The following AFF1 variants were observed in gnomAD, a reference collection of about 807,000 sequenced individuals.
AFF1 encodes ALF transcription elongation factor 1.
In AFF1, 48 loss-of-function variants were observed where a neutral mutation model predicts 121.7. The observed-to-expected ratio is 0.39, with a 90% CI of 0.31 to 0.50. The LOEUF is 0.50. AFF1 is among the 20% of genes least tolerant of loss of function. The pLI is 0.76. For missense variants in AFF1, 1,523 were observed against 1,511.7 expected (o/e 1.01, Z -0.12); for synonymous variants, 613 against 563.0 (o/e 1.09, Z -1.26).
intron 4 of AFF1, among the ~76,000 whole-genome samples, chr4:87,069,389 A>T (rs994829876): frequency 8.2e-6 from 1 of 121,972 alleles, no homozygotes; most frequent in Non-Finnish European, 1.6e-5. Flanking sequence ...TTCTGTCCCC[A>T]TCTCCTCTCT....
intron 2 of AFF1, chr4:86,949,952 G>C: frequency 6.2e-7 from 1 of 1,614,124 alleles, no homozygotes; most frequent in Non-Finnish European, 8.5e-7. Context: ...GTCCCGCAGG[G>C]CCATGTGGAT....
chr4:86,985,181 C>CTATATA lies in AFF1; in HGVS notation c.38+36639_38+36644dup, dbSNP rs55891819. On this transcript the variant is annotated intron_variant, in intron 2 of 20. Coordinates refer to ENST00000395146, the MANE Select transcript of AFF1 (RefSeq NM_001166693.3). ...AATATAATATATATAATATGTATTA[C>CTATATA]TATATATATATATATATATATATAT... is the stretch of plus-strand genomic sequence containing the variant. 9.5e-3 allele frequency among the ~76,000 whole-genome samples: 916 copies of CTATATA among 96,420 alleles called. 33 individuals carry two copies. Among genetic ancestry groups the CTATATA allele is most frequent in the African/African-American group, 0.032 (641 of 19,798 alleles). 63.3% of individuals were successfully genotyped at this position (96,420 alleles called of 152,430 possible).
At chr4:86,968,572 G>A (rs1160910691) in intron 2 of AFF1, among the ~76,000 whole-genome samples, 5 of 152,158 alleles carry the variant, frequency 3.3e-5, no homozygotes, top group Non-Finnish European at 7.3e-5. Context: ...CTTACATAGG[G>A]GTCTTACACT....
intron 16 of AFF1, among the ~76,000 whole-genome samples, chr4:87,129,829 A>C (rs1028154620): frequency 8.5e-5 from 13 of 152,284 alleles, no homozygotes; most frequent in Non-Finnish European, 1.3e-4. Flanking sequence ...TTGTCAGCTC[A>C]CTGGGAGAAG....
chr4:87,000,150 A>G (rs1245060361), intron 2 of AFF1, among the ~76,000 whole-genome samples: 1 of 152,232 alleles, frequency 6.6e-6, no homozygotes, highest in Admixed American at 6.5e-5. Flanking sequence ...TTGAATGAGT[A>G]AATAAATGGA....
intron 4 of AFF1, among the ~76,000 whole-genome samples, chr4:87,078,081 A>T (rs376792263): frequency 6.6e-6 from 1 of 152,206 alleles, no homozygotes; most frequent in Non-Finnish European, 1.5e-5. Flanking sequence ...CCTCCTACCA[A>T]TCATGGGATT....
At chr4:87,030,960 A>G (rs938484728) in intron 2 of AFF1, among the ~76,000 whole-genome samples, 9 of 152,084 alleles carry the variant, frequency 5.9e-5, no homozygotes, top group Admixed American at 5.2e-4. Context: ...AAACTCCCAC[A>G]TCCACACTCG....
At chr4:86,948,153 G>A (rs540696405) in intron 1 of AFF1, among the ~76,000 whole-genome samples, 1 of 151,972 alleles carries the variant, frequency 6.6e-6, no homozygotes, top group South Asian at 2.1e-4. Context: ...TTAATGAAAT[G>A]CCATTTTTAA....
rs138419384 is a variant in AFF1, at chr4:87,016,952, C to G, written c.39-29214C>G. Among the ~76,000 whole-genome samples, 90 of 152,112 alleles carry G rather than the reference C, an allele frequency of 5.9e-4. 1 individual carries two copies. Among genetic ancestry groups the G allele is most frequent in the Admixed American group, 8.5e-4 (13 of 15,274 alleles). On this transcript the variant is annotated intron_variant, in intron 2 of 20. Transcript: ENST00000395146. ...TGTACCATGTATCAGTGGTTCTATC[C>G]TTTTATTACTGAATAGTATTCTGTT...
chr4:87,133,750 G>A (rs780436183), intron 19 of AFF1, among the ~76,000 whole-genome samples: 3 of 152,186 alleles, frequency 2.0e-5, no homozygotes, highest in African/African-American at 7.2e-5. Context: ...TACTGCCGCT[G>A]AACCATCATC....
intron 10 of AFF1, among the ~76,000 whole-genome samples, chr4:87,106,505 A>G (rs191457978): frequency 9.4e-4 from 143 of 152,356 alleles, no homozygotes; most frequent in Non-Finnish European, 1.7e-3. Context: ...GCTGTTTTCA[A>G]TAAAGCTCAG....
chr4:87,092,263 A>T (rs989210329), intron 7 of AFF1, among the ~76,000 whole-genome samples: 10 of 152,210 alleles, frequency 6.6e-5, no homozygotes, highest in African/African-American at 2.4e-4. Flanking sequence ...AGCCTGGGAG[A>T]CAGCACAGAT....
At chr4:87,040,631 A>T (rs544746747) in intron 2 of AFF1, among the ~76,000 whole-genome samples, 1 of 151,402 alleles carries the variant, frequency 6.6e-6, no homozygotes, top group Non-Finnish European at 1.5e-5. Context: ...CAGTGGCGCA[A>T]TCTCGGCTCA....
At chr4:87,103,350 T>C (rs1196773331) in intron 8 of AFF1, among the ~76,000 whole-genome samples, 1 of 152,274 alleles carries the variant, frequency 6.6e-6, no homozygotes, top group African/African-American at 2.4e-5. Context: ...ATGTGAGATA[T>C]GTTTATTCTT....
intron 2 of AFF1, among the ~76,000 whole-genome samples, chr4:87,027,409 G>A (rs1728628776): frequency 1.3e-5 from 2 of 152,166 alleles, no homozygotes; most frequent in Admixed American, 1.3e-4. Flanking sequence ...ACAAGTTTAG[G>A]ACCACTCTTG....
At position 87,046,245 on chromosome 4, in the gene AFF1, G is replaced by T. The variant is rs1423874866; in HGVS notation, c.118G>T (p.Ala40Ser). 3 of 1,613,670 alleles carry T rather than the reference G, an allele frequency of 1.9e-6. No individual in the cohort carries two copies. In the African/African-American group the frequency reaches 4.0e-5, roughly 22 times the overall value. The change falls in exon 3 of 21, where the codon GCA (alanine) becomes TCA (serine). Residue 40 changes from alanine (A) to serine (S), a missense_variant. Transcript: ENST00000395146. ...CCAGGAAGCCCACCAAGAGAAAGAG[G>T]CATTTCCTGAAAAGATTCCCCTTTT... ...RNQEAHQEKE[A>S]FPEKIPLFGE...
At chr4:87,095,115 A>AT (rs1346808281) in intron 8 of AFF1, 146 bp downstream of exon 8, 27 of 796,750 alleles carry the variant, frequency 3.4e-5, no homozygotes, top group Non-Finnish European at 4.4e-5. Context: ...GCCCACATTA[A>AT]TTTTTTTTGC....
At chr4:87,096,743 C>CT (rs1270287643) in intron 8 of AFF1, among the ~76,000 whole-genome samples, 1 of 151,826 alleles carries the variant, frequency 6.6e-6, no homozygotes. Context: ...TTCACCTTTT[C>CT]TTTTTTTCCT....
chr4:87,068,119 C>T (rs1721563994), intron 4 of AFF1, among the ~76,000 whole-genome samples: 1 of 150,888 alleles, frequency 6.6e-6, no homozygotes, highest in Non-Finnish European at 1.5e-5. Flanking sequence ...TTTTGAAATA[C>T]ATAATACTGG....
Sources: allele counts gnomAD v4.1 joint callset (sites outside exome capture counted in the v4.1 genomes callset), GRCh38; gene constraint gnomAD v4.1.1; transcripts MANE v1.5; gene names NCBI Gene and HGNC (gene_info 2026-07-23, HGNC 2026-07-21).